RPE65: variants seen among roughly 807,000 people sequenced by gnomAD.
The protein encoded by RPE65 is retinoid isomerohydrolase.
Under a neutral mutation model 68.5 loss-of-function variants are expected in RPE65, and 58 were observed. That is an observed-to-expected ratio of 0.85 (90% CI 0.69 to 1.05). The LOEUF is 1.05. Among genes scored for constraint, RPE65 ranks in the 50% least tolerant of loss-of-function variants. RPE65 has a pLI of 0.00. For synonymous variants in RPE65, 220 were observed against 222.2 expected (o/e 0.99, Z 0.09); for missense variants, 643 against 629.9 (o/e 1.02, Z -0.22).
chr1:68,431,111 T>C lies in RPE65; in HGVS notation c.1404A>G (p.Ser468=). The change falls in exon 13 of 14, where the codon TCA becomes TCG. Residue 468 remains serine (S), a synonymous_variant. Coordinates refer to ENST00000262340, the MANE Select transcript of RPE65 (RefSeq NM_000329.3). ...WVWQEPDSYP[S]EPIFVSHPDA... Reference sequence around the variant, plus strand: ...CTGGGTGAGAAACAAAGATGGGTTCTGATGGGTATGAATCAGGCTCTTGCC... The same window carrying C: ...CTGGGTGAGAAACAAAGATGGGTTCCGATGGGTATGAATCAGGCTCTTGCC... 2 of 1,613,888 alleles carry C rather than the reference T, an allele frequency of 1.2e-6. No individual in the cohort carries two copies. Among genetic ancestry groups the C allele is most frequent in the South Asian group, 1.1e-5 (1 of 91,086 alleles).
rs1306031403 is a variant in RPE65, at chr1:68,446,760, G to C, written c.195C>G (p.Ala65=). Residue 65 remains alanine (A), a synonymous_variant, in exon 3 of 14, where the codon GCC becomes GCG. Transcript: ENST00000262340. ...CTTTAAAGTCAAACTTGTGCAGGAGGGCTTGCCCATCAAACAGGTGGTAAA... is the reference window on the plus strand; with the variant it reads ...CTTTAAAGTCAAACTTGTGCAGGAGCGCTTGCCCATCAAACAGGTGGTAAA... The part of the protein sequence containing the change: ...EPFYHLFDGQ[A]LLHKFDFKEG... 2 of 1,614,170 alleles carry C rather than the reference G, an allele frequency of 1.2e-6. No homozygotes were observed. Among genetic ancestry groups the C allele is most frequent in the Non-Finnish European group, 1.7e-6 (2 of 1,180,034 alleles).
At chr1:68,449,218 T>C (rs1272812948) in intron 1 of RPE65, among the ~76,000 whole-genome samples, 6 of 152,174 alleles carry the variant, frequency 3.9e-5, no homozygotes, top group African/African-American at 1.4e-4. Flanking sequence ...GACAGCTTTT[T>C]GGGTCAGGTA....
chr1:68,438,574 G>A (rs993685813), intron 9 of RPE65, among the ~76,000 whole-genome samples: 3 of 152,110 alleles, frequency 2.0e-5, no homozygotes, highest in Non-Finnish European at 4.4e-5. Context: ...TTCTGTTTGT[G>A]TCCTTAGGTG....
At chr1:68,430,935 C>T (rs1430508723) in intron 13 of RPE65, 130 bp downstream of exon 13, 9 of 751,472 alleles carry the variant, frequency 1.2e-5, no homozygotes, top group African/African-American at 8.7e-5. Flanking sequence ...TTCTTCAGTA[C>T]TGCTCTATTT....
intron 5 of RPE65, among the ~76,000 whole-genome samples, chr1:68,443,870 TG>T (rs775586899): frequency 3.9e-5 from 6 of 152,218 alleles, no homozygotes; most frequent in Non-Finnish European, 7.4e-5. Context: ...CCATAAAATT[TG>T]TCACTTCCAA....
intron 10 of RPE65, among the ~76,000 whole-genome samples, chr1:68,435,174 GCTCTTGTTTCTTTTTCTGGCTT>G (rs11269074): frequency 0.54 from 81,468 of 150,730 alleles, 24,724 homozygotes; most frequent in East Asian, 0.88. Context: ...CTTTCTGGTG[GCTCTTGTTTCTTTTTCTGGCTT>G]CTCTTGTTTC....
chr1:68,446,680 G>A (rs374992440), intron 3 of RPE65, 30 bp downstream of exon 3: 4 of 1,613,982 alleles, frequency 2.5e-6, no homozygotes, highest in Non-Finnish European at 3.4e-6. Context: ...CTACTTTGAG[G>A]AGGAGGAGTG....
At position 68,444,644 on chromosome 1, in the gene RPE65, C is replaced by G; in HGVS notation, c.382G>C (p.Val128Leu). The G allele has an allele frequency of 6.2e-7, 1 of 1,614,126 alleles. No homozygotes were observed. The highest frequency in any genetic ancestry group is 8.5e-7 in the Non-Finnish European group (1 of 1,180,036). ...RFFSYFRGVE[V>L]TDNALVNVYP... ...ACATTAACAAGGGCATTGTCAGTAA[C>G]CTCTACTCCTCGAAAGTAAGAAAAA... Residue 128 changes from valine to leucine, a missense_variant, in exon 5 of 14, where the codon GTT becomes CTT. By Grantham distance (32) the Val-to-Leu change is conservative. Coordinates refer to ENST00000262340, the MANE Select transcript of RPE65 (RefSeq NM_000329.3).
At chr1:68,447,911 C>T (rs1280340439) in intron 2 of RPE65, among the ~76,000 whole-genome samples, 1 of 152,134 alleles carries the variant, frequency 6.6e-6, no homozygotes, top group Non-Finnish European at 1.5e-5. Flanking sequence ...TAGGTTTATC[C>T]TTTGAGAAGG....
At chr1:68,437,761 A>G (rs1405756180) in intron 10 of RPE65, among the ~76,000 whole-genome samples, 1 of 152,206 alleles carries the variant, frequency 6.6e-6, no homozygotes, top group Non-Finnish European at 1.5e-5. Context: ...CAGAAGATTT[A>G]TAGAAAACCA....
At chr1:68,438,096 G>GACTTTATGTATAAACATGAGGCAGGAGGA in intron 10 of RPE65, 91 bp downstream of exon 10, 1 of 1,506,512 alleles carries the variant, frequency 6.6e-7, no homozygotes, top group Non-Finnish European at 9.1e-7. Context: ...CAAATTTCAA[G>GACTTTATGTATAAACATGAGGCAGGAGGA]ACTTTATGTA....
chr1:68,447,003 C>T (rs1350278846), intron 2 of RPE65, 143 bp from the exon 3 acceptor site: 60 of 1,067,028 alleles, frequency 5.6e-5, no homozygotes, highest in Non-Finnish European at 7.8e-5. Flanking sequence ...CCAGCCCTCG[C>T]GCTGGACAGC....
chr1:68,444,347 C>T (rs565505129), intron 5 of RPE65, among the ~76,000 whole-genome samples, 184 bp downstream of exon 5: 1 of 152,320 alleles, frequency 6.6e-6, no homozygotes, highest in South Asian at 2.1e-4. Context: ...CACCAAATTA[C>T]ACCAATTGCA....
At chr1:68,435,461 A>G (rs1645856633) in intron 10 of RPE65, among the ~76,000 whole-genome samples, 2 of 152,104 alleles carry the variant, frequency 1.3e-5, no homozygotes, top group Non-Finnish European at 2.9e-5. Context: ...TCTTTTGTGT[A>G]AAAACCTTCA....
At chr1:68,449,715 T>C (rs551968785) in intron 1 of RPE65, among the ~76,000 whole-genome samples, 180 bp downstream of exon 1, 1 of 152,288 alleles carries the variant, frequency 6.6e-6, no homozygotes, top group African/African-American at 2.4e-5. Context: ...CCCCATAATT[T>C]GGACCTGAAT....
At chr1:68,430,807 T>A (rs1471775448) in intron 13 of RPE65, among the ~76,000 whole-genome samples, 1 of 152,178 alleles carries the variant, frequency 6.6e-6, no homozygotes, top group African/African-American at 2.4e-5. Flanking sequence ...CTTCTCTCCC[T>A]CATCTAGAGC....
At chr1:68,438,879 TA>T in intron 9 of RPE65, 62 bp downstream of exon 9, 1 of 1,605,622 alleles carries the variant, frequency 6.2e-7, no homozygotes, top group Non-Finnish European at 8.5e-7. Flanking sequence ...AGCAGCTCTG[TA>T]AAAACCCCGT....
At chr1:68,433,580 G>T in intron 10 of RPE65, among the ~76,000 whole-genome samples, 1 of 152,152 alleles carries the variant, frequency 6.6e-6, no homozygotes, top group East Asian at 1.9e-4. Flanking sequence ...GTGTGGAGGC[G>T]GGAAGTGGGA....
At position 68,447,827 on chromosome 1, in the gene RPE65, G is replaced by A. The variant is rs543593113; in HGVS notation, c.94+797C>T. On this transcript the variant is annotated intron_variant, in intron 2 of 13. Transcript: ENST00000262340. ...ATCATCCCACTGCACTCCAGCCTGG[G>A]CGACTGAGCGAGACTCTGTCTCAAA... Among the ~76,000 whole-genome samples the A allele has an allele frequency of 2.1e-3, 314 of 152,162 alleles. 2 individuals are homozygous for A. Among genetic ancestry groups the A allele is most frequent in the Non-Finnish European group, 3.5e-3 (238 of 68,022 alleles).
Sources: gnomAD v4.1 joint callset for allele counts (sites outside exome capture counted in the v4.1 genomes callset) on GRCh38, gnomAD v4.1.1 for gene constraint, MANE v1.5 for transcripts, NCBI Gene and HGNC (gene_info 2026-07-23, HGNC 2026-07-21) for gene names.